LTBP2: variants seen among roughly 807,000 people sequenced by gnomAD.
LTBP2 encodes the protein latent transforming growth factor beta binding protein 2.
LTBP2 carries 103 observed loss-of-function variants against 210.6 expected under a neutral mutation model. The observed-to-expected ratio is 0.49, with a 90% CI of 0.42 to 0.58. The LOEUF is 0.58. Ranked by LOEUF, LTBP2 falls within the 20% of genes least tolerant of loss-of-function variation. The pLI, the probability that LTBP2 is intolerant of heterozygous loss-of-function variation, is 0.00. For synonymous variants in LTBP2, 1,007 were observed against 1,015.0 expected (o/e 0.99, Z 0.15); for missense variants, 2,313 against 2,494.5 (o/e 0.93, Z 1.55).
chr14:74,511,522 C>A (rs2139698631), intron 18 of LTBP2, among the ~76,000 whole-genome samples, 158 bp from the exon 19 acceptor site: 1 of 152,304 alleles, frequency 6.6e-6, no homozygotes, highest in East Asian at 1.9e-4. Context: ...CCCAACTCCA[C>A]CTCTCACCCA....
chr14:74,532,668 G>T, intron 9 of LTBP2, 120 bp from the exon 10 acceptor site: 1 of 1,145,618 alleles, frequency 8.7e-7, no homozygotes, highest in Non-Finnish European at 1.3e-6. Flanking sequence ...GAGCTGCTAT[G>T]TATTCAGTGG....
intron 2 of LTBP2, among the ~76,000 whole-genome samples, chr14:74,593,253 C>A (rs2088306786): frequency 6.6e-6 from 1 of 152,178 alleles, no homozygotes; most frequent in Non-Finnish European, 1.5e-5. Flanking sequence ...ATTCTAGAAA[C>A]AGCCCCTCCC....
At chr14:74,526,258 T>TA (rs2087272988) in intron 13 of LTBP2, 144 bp from the exon 14 acceptor site, 1 of 809,102 alleles carries the variant, frequency 1.2e-6, no homozygotes. Flanking sequence ...GATGAGTTCT[T>TA]ACTCTATGCT....
chr14:74,589,534 C>T (rs1037373351), intron 2 of LTBP2, among the ~76,000 whole-genome samples: 23 of 152,228 alleles, frequency 1.5e-4, no homozygotes, highest in Admixed American at 4.6e-4. Flanking sequence ...AGGCTCCAGG[C>T]CTCTAGGTAA....
rs567224380 is a variant in LTBP2, at chr14:74,527,421, C to G, written c.2369-55G>C. Reference sequence around the variant, plus strand: ...AGGGAGGAGGGTCTGGCTGCCTTCTCCCCTCACCGCCACCTGGGCGGCTTC... The same window carrying G: ...AGGGAGGAGGGTCTGGCTGCCTTCTGCCCTCACCGCCACCTGGGCGGCTTC... On this transcript the variant is annotated intron_variant, in intron 12 of 35. Coordinates refer to ENST00000261978, the MANE Select transcript of LTBP2 (RefSeq NM_000428.3). The G allele has an allele frequency of 7.8e-5, 124 of 1,580,424 alleles. No individual in the cohort carries two copies. The African/African-American group carries it at 1.5e-3, about 19-fold the overall frequency.
Position 74,552,234 on chromosome 14 carries a change from G to T in LTBP2, c.1352C>A (p.Ala451Asp), listed in dbSNP as rs757283363. Residue 451 changes from alanine (A) to aspartate (D), a missense_variant, in exon 6 of 36, where the codon GCC (alanine) becomes GAC (aspartate). Around this residue, in one of 3 missense-constraint regions of LTBP2, gnomAD observed 1,867 missense variants for 1,976.9 expected, o/e 0.94. Coordinates refer to ENST00000261978, the MANE Select transcript of LTBP2 (RefSeq NM_000428.3). ...TGTGAAAGTGGACTGCTTCAGTGGG[G>T]CTTCCAGCAAGGCCCTGGGGCGGGA... Reference protein sequence around the residue: ...RGSRPRALLEAPLKQSTFTLP... With the variant: ...RGSRPRALLEDPLKQSTFTLP... 2 of 1,612,732 alleles carry T rather than the reference G, an allele frequency of 1.2e-6. No individual in the cohort carries two copies. The highest frequency in any genetic ancestry group is 3.3e-5 in the Admixed American group (2 of 59,998).
intron 2 of LTBP2, among the ~76,000 whole-genome samples, chr14:74,590,129 A>G (rs1024917458): frequency 6.6e-6 from 1 of 152,242 alleles, no homozygotes; most frequent in Non-Finnish European, 1.5e-5. Context: ...GCCATTACTA[A>G]AAAGTCACAA....
At chr14:74,590,609 A>G (rs2088268888) in intron 2 of LTBP2, among the ~76,000 whole-genome samples, 1 of 152,208 alleles carries the variant, frequency 6.6e-6, no homozygotes, top group Non-Finnish European at 1.5e-5. Flanking sequence ...AAAAGAAAAG[A>G]AAAAGAAAAT....
At position 74,510,046 on chromosome 14, in the gene LTBP2, A is replaced by G. The variant is rs112430253; in HGVS notation, c.3151+45T>C. 8 of 1,613,750 alleles carry G rather than the reference A, an allele frequency of 5.0e-6. No homozygotes were observed. The African/African-American group carries it at 8.0e-5, about 16-fold the overall frequency. On this transcript the variant is annotated intron_variant, in intron 20 of 35. Transcript: ENST00000261978. ...GGTGTGCAGAGGGGAGGGAGCCACA[A>G]GCTGGATCGGCCTGCGGAGAAGGGG... is the stretch of plus-strand genomic sequence containing the variant.
chr14:74,514,909 A>G (rs924212237), intron 18 of LTBP2, among the ~76,000 whole-genome samples: 28 of 152,326 alleles, frequency 1.8e-4, no homozygotes, highest in African/African-American at 6.7e-4. Context: ...TTCTTTCAAC[A>G]GACTCGGAGT....
chr14:74,596,354 T>TG lies in LTBP2; in HGVS notation c.565+7280dup, dbSNP rs528210943. On this transcript the variant is annotated intron_variant, in intron 2 of 35. Transcript: ENST00000261978. ...CCAAGATCCAGAAGAACAAGGCCGGTGGGGGCCACTCAAGCAAGAGTGGCC... is the reference window on the plus strand; with the variant it reads ...CCAAGATCCAGAAGAACAAGGCCGGTGGGGGGCCACTCAAGCAAGAGTGGCC... Among the ~76,000 whole-genome samples the TG allele has an allele frequency of 1.5e-4, 23 of 151,842 alleles. No individual in the cohort carries two copies. In the East Asian group the frequency reaches 4.3e-3, roughly 28 times the overall value.
intron 3 of LTBP2, among the ~76,000 whole-genome samples, chr14:74,561,357 T>A (rs959275108): frequency 6.6e-6 from 1 of 152,194 alleles, no homozygotes. Context: ...GTAATTATCA[T>A]TATGAACATG....
chr14:74,508,262 T>G (rs1595241752), intron 24 of LTBP2, among the ~76,000 whole-genome samples, 167 bp from the exon 25 acceptor site: 1 of 146,280 alleles, frequency 6.8e-6, no homozygotes, highest in African/African-American at 2.6e-5. Flanking sequence ...GGCACCGGGG[T>G]GGGGGTGAGG....
intron 7 of LTBP2, 143 bp downstream of exon 7, chr14:74,550,921 G>A (rs1595269640): frequency 9.2e-7 from 1 of 1,083,594 alleles, no homozygotes; most frequent in South Asian, 1.4e-5. Flanking sequence ...TCATGCCTTG[G>A]GTTTTCCCAT....
At chr14:74,592,481 C>G (rs551929717) in intron 2 of LTBP2, among the ~76,000 whole-genome samples, 12 of 152,254 alleles carry the variant, frequency 7.9e-5, no homozygotes, top group African/African-American at 2.6e-4. Flanking sequence ...GCCTGGGCAA[C>G]AGACCAGGCC....
At chr14:74,507,135 G>T in intron 26 of LTBP2, 44 bp downstream of exon 26, 2 of 1,613,808 alleles carry the variant, frequency 1.2e-6, no homozygotes, top group South Asian at 2.2e-5. Context: ...TGAAAAATAG[G>T]TTTTCTCAGC....
At position 74,516,926 on chromosome 14, in the gene LTBP2, T is replaced by TCAC. The variant is rs2087144346; in HGVS notation, c.2801_2803dup (p.Cys934_Glu935insGly). The TCAC allele has an allele frequency of 1.3e-6, 2 of 1,551,766 alleles. No homozygotes were observed. The highest frequency in any genetic ancestry group is 8.7e-7 in the Non-Finnish European group (1 of 1,147,104). On this transcript the variant is annotated inframe_insertion, in exon 18 of 36. Transcript: ENST00000261978. ...CCCCCCGCTGCACACCCCTGGCTGC[T>TCAC]CACACTCATTGATATCTGTGAACAC...
At chr14:74,561,572 T>A (rs553789900) in intron 3 of LTBP2, among the ~76,000 whole-genome samples, 2 of 152,328 alleles carry the variant, frequency 1.3e-5, no homozygotes, top group South Asian at 4.1e-4. Context: ...AATGAGAGTG[T>A]CTGTGTGTGT....
intron 8 of LTBP2, among the ~76,000 whole-genome samples, chr14:74,546,405 G>A (rs1306748255): frequency 6.6e-6 from 1 of 152,212 alleles, no homozygotes; most frequent in Non-Finnish European, 1.5e-5. Flanking sequence ...CAGGCATGAA[G>A]CGAGGTGCCT....
Sources: allele counts gnomAD v4.1 joint callset (sites outside exome capture counted in the v4.1 genomes callset), GRCh38; gene constraint gnomAD v4.1.1; regional missense constraint gnomAD v4.1.1; transcripts MANE v1.5; gene names NCBI Gene and HGNC (gene_info 2026-07-23, HGNC 2026-07-21).